ANGPTL1: variants seen among roughly 807,000 people sequenced by gnomAD.
ANGPTL1 encodes angiopoietin like 1.
A neutral mutation model predicts 46.7 loss-of-function variants in ANGPTL1; 36 were observed. The ratio of observed to expected loss-of-function variants is 0.77; its 90% CI spans 0.59 to 1.02. The LOEUF is 1.02. Ranked by LOEUF, ANGPTL1 falls within the 50% of genes least tolerant of loss-of-function variation. The pLI is 0.00. For missense variants in ANGPTL1, 571 were observed against 594.7 expected, an observed-to-expected ratio of 0.96 and a Z score of 0.41; for synonymous variants, 221 against 204.3, an observed-to-expected ratio of 1.08 and a Z score of -0.69.
intron 3 of ANGPTL1, among the ~76,000 whole-genome samples, chr1:178,856,204 T>G (rs12121049): frequency 0.07 from 1,102 of 15,644 alleles, 18 homozygotes; most frequent in African/African-American, 0.09. Context: ...GAGAGAGAGA[T>G]ATATATATAT....
intron 3 of ANGPTL1, among the ~76,000 whole-genome samples, chr1:178,857,264 G>C (rs1323481134): frequency 6.6e-6 from 1 of 152,184 alleles, no homozygotes; most frequent in Non-Finnish European, 1.5e-5. Flanking sequence ...CACAGTTTGA[G>C]CCCACTTAGG....
At chr1:178,869,721 T>TATG (rs1658631321) in intron 1 of ANGPTL1, among the ~76,000 whole-genome samples, 1 of 152,150 alleles carries the variant, frequency 6.6e-6, no homozygotes, top group South Asian at 2.1e-4. Context: ...GCTTTACCAT[T>TATG]ATTTGCTTGT....
intron 3 of ANGPTL1, among the ~76,000 whole-genome samples, chr1:178,860,973 T>C (rs760701030): frequency 1.3e-4 from 20 of 152,188 alleles, no homozygotes; most frequent in Non-Finnish European, 2.2e-4. Context: ...AGCCAGCCTA[T>C]TTGTTGTTGC....
chr1:178,855,940 A>G (rs1413170458), intron 3 of ANGPTL1, among the ~76,000 whole-genome samples: 1 of 149,080 alleles, frequency 6.7e-6, no homozygotes. Context: ...GAATATATAT[A>G]CATTTTATAT....
At chr1:178,866,792 T>C (rs2102340468) in intron 2 of ANGPTL1, among the ~76,000 whole-genome samples, 1 of 152,288 alleles carries the variant, frequency 6.6e-6, no homozygotes, top group South Asian at 2.1e-4. Flanking sequence ...GCAGCACCTA[T>C]ACTAAAATAT....
chr1:178,868,089 A>T (rs1278358252), intron 2 of ANGPTL1, among the ~76,000 whole-genome samples: 2 of 152,016 alleles, frequency 1.3e-5, no homozygotes, highest in South Asian at 2.1e-4. Context: ...GCTGACTGAT[A>T]GCCAAAGCAC....
chr1:178,861,353 A>T (rs1657996026), intron 3 of ANGPTL1, among the ~76,000 whole-genome samples: 1 of 152,126 alleles, frequency 6.6e-6, no homozygotes, highest in Admixed American at 6.5e-5. Flanking sequence ...TTCACTGGGG[A>T]TAGGTACACC....
Position 178,851,292 on chromosome 1 carries a change from C to G in ANGPTL1, c.1313G>C (p.Gly438Ala). The G allele has an allele frequency of 6.2e-7, 1 of 1,610,066 alleles. No homozygotes were observed. Among genetic ancestry groups the G allele is most frequent in the Non-Finnish European group, 8.5e-7 (1 of 1,178,728 alleles). The change falls in exon 6 of 6, where the codon GGA becomes GCA. Residue 438 changes from glycine (G) to alanine (A), a missense_variant. Transcript: ENST00000234816. ...YAGNCAHFHK[G>A]GWWYNACAHS... ...TGCACAGGCATTGTACCACCAGCCTCCTTTATGAAAGTGGGCGCAGTTTCC... is the reference window on the plus strand; with the variant it reads ...TGCACAGGCATTGTACCACCAGCCTGCTTTATGAAAGTGGGCGCAGTTTCC...
Position 178,853,714 on chromosome 1 carries a change from T to C in ANGPTL1, c.897A>G (p.Glu299=). ...ATAACTGCATTGGTCCATTGCTGTT[T>C]TCAGGTTTAATCATATAAATCCCAC... is the stretch of plus-strand genomic sequence containing the variant. ...SVSGIYMIKP[E]NSNGPMQLWC... is the part of the protein sequence containing the mutation. Residue 299 remains glutamate, a synonymous_variant, in exon 4 of 6, where the codon GAA becomes GAG. Coordinates refer to ENST00000234816, the MANE Select transcript of ANGPTL1 (RefSeq NM_004673.4). 2.5e-6 allele frequency: 4 copies of C among 1,612,446 alleles called. No individual in the cohort carries two copies. The highest frequency in any genetic ancestry group is 3.4e-6 in the Non-Finnish European group (4 of 1,179,176).
In ANGPTL1 at chr1:178,856,394, A is replaced by ATTTTTTTTTTTTTTTTTTTTT. The variant is rs71108081; in HGVS notation, c.824-2628_824-2608dup. 1.4e-4 allele frequency among the ~76,000 whole-genome samples: 5 copies of ATTTTTTTTTTTTTTTTTTTTT among 36,430 alleles called. 1 individual carries two copies. Among genetic ancestry groups the ATTTTTTTTTTTTTTTTTTTTT allele is most frequent in the African/African-American group, 5.8e-4 (4 of 6,866 alleles). The allele number at this position is 36,430 out of a possible 152,430, so 23.9% of individuals were successfully genotyped here. A position where few individuals can be genotyped will look rare whatever the true frequency, so the allele number is the denominator to read the frequency against. On this transcript the variant is annotated intron_variant, in intron 3 of 5. Transcript: ENST00000234816. ...AGGCAAGTGCCACCCTGCCTGGCTA[A>ATTTTTTTTTTTTTTTTTTTTT]TTTTTTTTTTTTTTTTTTTTTTTTT... is the stretch of plus-strand genomic sequence containing the variant.
At position 178,864,255 on chromosome 1, in the gene ANGPTL1, A is replaced by G. The variant is rs189471077; in HGVS notation, c.823+699T>C. Among the ~76,000 whole-genome samples the G allele has an allele frequency of 1.2e-3, 189 of 152,316 alleles. 1 individual carries two copies. The highest frequency in any genetic ancestry group is 1.7e-3 in the Non-Finnish European group (113 of 68,030). ...ATGAAATTTAAAAGTAGAGTTTGGAATCATGCATGATCAATGCAATAGTTT... is the reference window on the plus strand; with the variant it reads ...ATGAAATTTAAAAGTAGAGTTTGGAGTCATGCATGATCAATGCAATAGTTT... On this transcript the variant is annotated intron_variant, in intron 3 of 5. Transcript: ENST00000234816.
rs749275481 is a variant in ANGPTL1 at position 178,865,586 on chromosome 1, A to C, written c.191T>G (p.Ile64Ser). 1 of 1,614,054 alleles carries C rather than the reference A, an allele frequency of 6.2e-7. No individual in the cohort carries two copies. The highest frequency in any genetic ancestry group is 8.5e-7 in the Non-Finnish European group (1 of 1,179,972). ...ATCTTGCCCCTTGGTGTTGACACAGATTGGCCCTGTTATTCTTTGTTCAGG... is the reference window on the plus strand; with the variant it reads ...ATCTTGCCCCTTGGTGTTGACACAGCTTGGCCCTGTTATTCTTTGTTCAGG... The part of the protein sequence containing the change: ...LVPEQRITGP[I>S]CVNTKGQDAS... Residue 64 changes from isoleucine to serine, a missense_variant, in exon 3 of 6, where the codon ATC (isoleucine) becomes AGC (serine). Physicochemically the swap from Ile to Ser is moderately radical, Grantham distance 142. Coordinates refer to ENST00000234816, the MANE Select transcript of ANGPTL1 (RefSeq NM_004673.4).
rs1658601470 is a variant in ANGPTL1, at chr1:178,869,226, A to G, written c.-136-3T>C. The G allele has an allele frequency of 6.6e-6, 1 of 152,086 alleles. No homozygotes were observed. The highest frequency in any genetic ancestry group is 2.1e-4 in the South Asian group (1 of 4,832). The allele number at this position is 152,086 out of a possible 1,614,324, so 9.4% of individuals were successfully genotyped here. A position where few individuals can be genotyped will look rare whatever the true frequency, so the allele number is the denominator to read the frequency against. On this transcript the variant is annotated splice_polypyrimidine_tract_variant and splice_region_variant and intron_variant, in intron 1 of 5. Transcript: ENST00000234816. ...CTTCATAGTTGCTATATTGCCAGCT[A>G]GTAGAGAGAAGAAACGAAAGTCAGG... is the stretch of plus-strand genomic sequence containing the variant.
At chr1:178,865,930 T>C in intron 2 of ANGPTL1, 128 bp from the exon 3 acceptor site, 1 of 540,744 alleles carries the variant, frequency 1.8e-6, no homozygotes, top group Non-Finnish European at 3.2e-6. Context: ...TAGATTAGGC[T>C]AGAATTAACT....
chr1:178,862,593 T>TTTATTTA (rs1553272297), intron 3 of ANGPTL1, among the ~76,000 whole-genome samples: 127 of 140,752 alleles, frequency 9.0e-4, no homozygotes, highest in Middle Eastern at 3.6e-3. Context: ...GTTGCATTTT[T>TTTATTTA]TTTATTTATT....
rs1406103341 is a variant in ANGPTL1, at chr1:178,850,762, T to C, written c.*367A>G. 6.4e-6 allele frequency: 1 copy of C among 157,422 alleles called. No homozygotes were observed. The highest frequency in any genetic ancestry group is 1.4e-5 in the Non-Finnish European group (1 of 71,524). The allele number at this position is 157,422 out of a possible 1,614,324, so 9.8% of individuals were successfully genotyped here. ...GAAATTTTAAAAATATTTTTTTCAC[T>C]AGACGTTAGAGCAATCTTAGATTTT... is the stretch of plus-strand genomic sequence containing the variant. On this transcript the variant is annotated 3_prime_UTR_variant, in exon 6 of 6. Coordinates refer to ENST00000234816, the MANE Select transcript of ANGPTL1 (RefSeq NM_004673.4).
intron 1 of ANGPTL1, among the ~76,000 whole-genome samples, chr1:178,870,020 T>G (rs1310704888): frequency 2.6e-5 from 4 of 152,152 alleles, no homozygotes; most frequent in Non-Finnish European, 5.9e-5. Context: ...TAATACCACT[T>G]ACATAATGCT....
At chr1:178,862,160 A>C (rs959524508) in intron 3 of ANGPTL1, among the ~76,000 whole-genome samples, 1 of 152,146 alleles carries the variant, frequency 6.6e-6, no homozygotes, top group African/African-American at 2.4e-5. Context: ...GGCATGAGCC[A>C]CCATGCCCGG....
Position 178,849,668 on chromosome 1 carries a change from A to C in ANGPTL1, c.*1461T>G, listed in dbSNP as rs187745302. The C allele has an allele frequency of 6.6e-6, 1 of 152,334 alleles. No individual in the cohort carries two copies. Among genetic ancestry groups the C allele is most frequent in the African/African-American group, 2.4e-5 (1 of 41,586 alleles). 9.4% of individuals were successfully genotyped at this position (152,334 alleles called of 1,614,324 possible). On this transcript the variant is annotated 3_prime_UTR_variant, in exon 6 of 6. Coordinates refer to ENST00000234816, the MANE Select transcript of ANGPTL1 (RefSeq NM_004673.4). ...TGGAGAGGGACTGAAAAACCAGTTT[A>C]AGATGACCACAGGTAAAACAAAGAA... is the stretch of plus-strand genomic sequence containing the variant.
Sources: gnomAD v4.1 joint callset for allele counts (sites outside exome capture counted in the v4.1 genomes callset) on GRCh38, gnomAD v4.1.1 for gene constraint, MANE v1.5 for transcripts, NCBI Gene and HGNC (gene_info 2026-07-23, HGNC 2026-07-21) for gene names.